SOCS5: variants seen among roughly 807,000 people sequenced by gnomAD.
SOCS5 encodes CIS-6.
In SOCS5, 32 loss-of-function variants were observed where a neutral mutation model predicts 42.8. That is an observed-to-expected ratio of 0.75 (90% CI 0.56 to 1.01). The LOEUF is 1.01. Ranked by LOEUF, SOCS5 falls within the 50% of genes least tolerant of loss-of-function variation. The pLI is 0.00. For missense variants in SOCS5, 627 were observed against 653.0 expected (o/e 0.96, Z 0.43); for synonymous variants, 283 against 229.6 (o/e 1.23, Z -2.10).
chr2:46,711,751 G>A (rs1411007123), intron 1 of SOCS5, among the ~76,000 whole-genome samples: 1 of 152,158 alleles, frequency 6.6e-6, no homozygotes, highest in East Asian at 1.9e-4. Flanking sequence ...GATAATTTTT[G>A]TGTATTGAGG....
chr2:46,739,948 G>C (rs1172991115), intron 1 of SOCS5, among the ~76,000 whole-genome samples: 1 of 152,182 alleles, frequency 6.6e-6, no homozygotes, highest in Non-Finnish European at 1.5e-5. Context: ...TGCCCAGGAG[G>C]ATCTCCTCTC....
intron 1 of SOCS5, among the ~76,000 whole-genome samples, chr2:46,738,796 G>A (rs1021049700): frequency 6.6e-6 from 1 of 152,092 alleles, no homozygotes; most frequent in Non-Finnish European, 1.5e-5. Context: ...GAAGGAACTA[G>A]GTTGGTTAAA....
chr2:46,713,071 A>G (rs1461619102), intron 1 of SOCS5, among the ~76,000 whole-genome samples: 3 of 152,236 alleles, frequency 2.0e-5, no homozygotes, highest in East Asian at 1.9e-4. Context: ...AAGAATGAAT[A>G]TAGGCCCAGC....
intron 1 of SOCS5, among the ~76,000 whole-genome samples, chr2:46,755,327 ATTTTG>A (rs1333334137): frequency 1.3e-5 from 2 of 152,106 alleles, no homozygotes; most frequent in Non-Finnish European, 2.9e-5. Flanking sequence ...TATTTCAATT[ATTTTG>A]TTTTGTGTAA....
intron 1 of SOCS5, among the ~76,000 whole-genome samples, chr2:46,728,290 T>G (rs1330735249): frequency 1.3e-5 from 2 of 152,210 alleles, no homozygotes; most frequent in Non-Finnish European, 2.9e-5. Flanking sequence ...TTCTGGGGTT[T>G]TATAGCTATA....
At chr2:46,726,618 T>C (rs930991387) in intron 1 of SOCS5, among the ~76,000 whole-genome samples, 11 of 152,142 alleles carry the variant, frequency 7.2e-5, no homozygotes, top group African/African-American at 2.7e-4. Context: ...CTCTTTGTTG[T>C]TCAGACTAGA....
rs933184083 is a variant in SOCS5, at chr2:46,758,712, A to C, written c.182A>C (p.Glu61Ala). Residue 61 changes from glutamate (E) to alanine (A), a missense_variant, in exon 2 of 2, where the codon GAA (glutamate) becomes GCA (alanine). Physicochemically the swap from Glu to Ala is moderately radical, Grantham distance 107 (BLOSUM62 -1). Coordinates refer to ENST00000394861, the MANE Select transcript of SOCS5 (RefSeq NM_144949.3). ...TPQQQSSPLR[E>A]NIALQLGLSP... ...CAGCAACAAAGCAGTCCCTTAAGAGAAAATATTGCCTTACAACTGGGATTA... is the reference window on the plus strand; with the variant it reads ...CAGCAACAAAGCAGTCCCTTAAGAGCAAATATTGCCTTACAACTGGGATTA... 3 of 1,614,022 alleles carry C rather than the reference A, an allele frequency of 1.9e-6. No homozygotes were observed. Among genetic ancestry groups the C allele is most frequent in the African/African-American group, 2.7e-5 (2 of 74,916 alleles).
chr2:46,722,984 C>T (rs1489085367), intron 1 of SOCS5, among the ~76,000 whole-genome samples: 3 of 152,000 alleles, frequency 2.0e-5, no homozygotes, highest in Non-Finnish European at 4.4e-5. Context: ...AAGTCTTTTG[C>T]CCATTTTTAA....
intron 1 of SOCS5, among the ~76,000 whole-genome samples, chr2:46,741,270 C>T (rs1003676511): frequency 1.3e-5 from 2 of 152,124 alleles, no homozygotes; most frequent in Admixed American, 1.3e-4. Flanking sequence ...AACGGAGTCT[C>T]GCTCTACCAC....
At chr2:46,722,504 A>C (rs1421997600) in intron 1 of SOCS5, among the ~76,000 whole-genome samples, 1 of 152,160 alleles carries the variant, frequency 6.6e-6, no homozygotes, top group African/African-American at 2.4e-5. Flanking sequence ...TGTATGTATC[A>C]ATGGTTGATT....
intron 1 of SOCS5, among the ~76,000 whole-genome samples, chr2:46,733,568 C>CA (rs1166835596): frequency 0.11 from 6,040 of 57,188 alleles, 176 homozygotes; most frequent in South Asian, 0.17. Context: ...GACCCTGTCT[C>CA]AAAAAAAAAA....
intron 1 of SOCS5, among the ~76,000 whole-genome samples, chr2:46,712,200 ATCT>A (rs1305957755): frequency 2.6e-5 from 4 of 152,016 alleles, no homozygotes; most frequent in Admixed American, 6.6e-5. Context: ...CTCTATTTAG[ATCT>A]TCTTTTTTAG....
In SOCS5 at chr2:46,712,009, C is replaced by T. The variant is rs571718556; in HGVS notation, c.-13+12560C>T. Reference sequence around the variant, plus strand: ...GTCTTGAAATAAGGTAATAGAACTTCTCCAGTTTAGTTCTTATTTTTCAAG... The same window carrying T: ...GTCTTGAAATAAGGTAATAGAACTTTTCCAGTTTAGTTCTTATTTTTCAAG... On this transcript the variant is annotated intron_variant, in intron 1 of 1. Coordinates refer to ENST00000394861, the MANE Select transcript of SOCS5 (RefSeq NM_144949.3). Among the ~76,000 whole-genome samples, 28 of 152,200 alleles carry T rather than the reference C, an allele frequency of 1.8e-4. No individual in the cohort carries two copies. The South Asian group carries it at 5.4e-3, about 29-fold the overall frequency.
intron 1 of SOCS5, among the ~76,000 whole-genome samples, chr2:46,737,154 C>T (rs954897641): frequency 5.3e-5 from 8 of 152,136 alleles, no homozygotes; most frequent in African/African-American, 1.9e-4. Context: ...AGAACATTAT[C>T]CAGGTGTTAA....
intron 1 of SOCS5, among the ~76,000 whole-genome samples, chr2:46,732,189 C>T (rs976652983): frequency 6.6e-6 from 1 of 152,162 alleles, no homozygotes; most frequent in Non-Finnish European, 1.5e-5. Context: ...GTAACCAGCA[C>T]ATTGAAACAA....
chr2:46,700,539 A>C (rs564883404), intron 1 of SOCS5, among the ~76,000 whole-genome samples: 29 of 152,354 alleles, frequency 1.9e-4, no homozygotes, highest in African/African-American at 6.3e-4. Context: ...TTTCTCTACA[A>C]GATGATGCAA....
At chr2:46,724,991 G>C (rs1386126660) in intron 1 of SOCS5, among the ~76,000 whole-genome samples, 1 of 151,872 alleles carries the variant, frequency 6.6e-6, no homozygotes. Context: ...TTGTAGATTT[G>C]TCTGTTTCTC....
At chr2:46,720,687 CAA>C (rs1672858725) in intron 1 of SOCS5, among the ~76,000 whole-genome samples, 1 of 152,102 alleles carries the variant, frequency 6.6e-6, no homozygotes, top group Non-Finnish European at 1.5e-5. Flanking sequence ...GGATCTGGTC[CAA>C]TTCCCTGTTT....
chr2:46,737,634 A>G (rs1047137199), intron 1 of SOCS5, among the ~76,000 whole-genome samples: 4 of 152,202 alleles, frequency 2.6e-5, no homozygotes, highest in Non-Finnish European at 5.9e-5. Context: ...TTATCTGATC[A>G]AGCTTTCAGA....
Sources: gnomAD v4.1 joint callset for allele counts (sites outside exome capture counted in the v4.1 genomes callset) on GRCh38, gnomAD v4.1.1 for gene constraint, MANE v1.5 for transcripts, NCBI Gene and HGNC (gene_info 2026-07-23, HGNC 2026-07-21) for gene names.